The following KIFBP variants were observed in gnomAD, a reference collection of about 807,000 sequenced individuals.
KIFBP encodes the protein kinesin family binding protein, also known as KIF-binding protein.
KIFBP carries 46 observed loss-of-function variants against 58.9 expected under a neutral mutation model. That is an observed-to-expected ratio of 0.78 (90% CI 0.62 to 1.00). The LOEUF is 1.00. Ranked by LOEUF, KIFBP falls within the 50% of genes least tolerant of loss-of-function variation. The probability of loss-of-function intolerance (pLI) is 0.00; values close to 1 mark genes in which losing one functional copy is unlikely to be tolerated. For missense variants in KIFBP, 651 were observed against 752.9 expected (o/e 0.86, Z 1.58); for synonymous variants, 241 against 283.4 (o/e 0.85, Z 1.50).
In KIFBP at chr10:69,003,395, G is replaced by A. The variant is rs182301963; in HGVS notation, c.526-1651G>A. The stretch of plus-strand genomic sequence containing the variant: ...TTTTTACTTTATGTGAATCCTGGGA[G>A]CCCACGTTGTGATGCTTTTAGTGTT... On this transcript the variant is annotated intron_variant, in intron 2 of 6. Coordinates refer to ENST00000361983, the MANE Select transcript of KIFBP (RefSeq NM_015634.4). Among the ~76,000 whole-genome samples, 16 of 152,268 alleles carry A rather than the reference G, an allele frequency of 1.1e-4. No homozygotes were observed. The East Asian group carries it at 2.7e-3, about 26-fold the overall frequency.
intron 1 of KIFBP, chr10:68,999,734 G>C (rs975064040): frequency 2.6e-5 from 4 of 153,310 alleles, no homozygotes; most frequent in Non-Finnish European, 5.8e-5. Context: ...CAACATGGCA[G>C]TTGGCTTCCT....
chr10:69,003,217 C>T (rs887673672), intron 2 of KIFBP, among the ~76,000 whole-genome samples: 3 of 152,098 alleles, frequency 2.0e-5, no homozygotes, highest in African/African-American at 7.2e-5. Context: ...AAAGCCATAA[C>T]AGTGAAGTAT....
At chr10:69,008,391 A>ATATATATATATATATATATATAT (rs1554843385) in intron 4 of KIFBP, among the ~76,000 whole-genome samples, 3 of 71,612 alleles carry the variant, frequency 4.2e-5, no homozygotes, top group African/African-American at 1.6e-4. Context: ...AAAAAAAAAA[A>ATATATATATATATATATATATAT]ATATATATAT....
At chr10:68,997,670 C>T (rs1843421188) in intron 1 of KIFBP, among the ~76,000 whole-genome samples, 1 of 151,690 alleles carries the variant, frequency 6.6e-6, no homozygotes, top group South Asian at 2.1e-4. Flanking sequence ...TAATAACTTA[C>T]TGATTGTAAT....
intron 6 of KIFBP, among the ~76,000 whole-genome samples, chr10:69,013,828 C>T (rs554065743): frequency 3.9e-5 from 6 of 152,272 alleles, no homozygotes; most frequent in African/African-American, 1.4e-4. Context: ...CCACTCACTG[C>T]ATCCTCCACC....
At chr10:68,990,170 C>G (rs938081304) in intron 1 of KIFBP, among the ~76,000 whole-genome samples, 5 of 152,162 alleles carry the variant, frequency 3.3e-5, no homozygotes, top group African/African-American at 9.7e-5. Flanking sequence ...CCAAACTGAT[C>G]TCTCCCTCCT....
intron 3 of KIFBP, 152 bp from the exon 4 acceptor site, chr10:69,005,580 G>A (rs1843525658): frequency 4.8e-6 from 3 of 620,162 alleles, no homozygotes; most frequent in Non-Finnish European, 8.5e-6. Context: ...GGAGGCTGAG[G>A]CAGGAGAATT....
chr10:69,005,685 AAAC>A (rs745608619), intron 3 of KIFBP, 44 bp from the exon 4 acceptor site: 8 of 1,463,678 alleles, frequency 5.5e-6, no homozygotes, highest in Admixed American at 5.3e-5. Flanking sequence ...GAAAAAAAAA[AAAC>A]AAGTAAACCA....
At chr10:69,014,490 G>A in intron 6 of KIFBP, among the ~76,000 whole-genome samples, 1 of 152,132 alleles carries the variant, frequency 6.6e-6, no homozygotes, top group Non-Finnish European at 1.5e-5. Context: ...TGTGATATAA[G>A]CTAAAGTTAG....
In KIFBP at chr10:69,015,676, G is replaced by T. The variant is rs776459431; in HGVS notation, c.1126G>T (p.Ala376Ser). Residue 376 changes from alanine to serine, a missense_variant, in exon 7 of 7, where the codon GCA becomes TCA. By Grantham distance (99) the Ala-to-Ser change is moderately conservative. Coordinates refer to ENST00000361983, the MANE Select transcript of KIFBP (RefSeq NM_015634.4). Reference protein sequence around the residue: ...GTGELCDAISAVEEKVSYLRP... With the variant: ...GTGELCDAISSVEEKVSYLRP... The stretch of plus-strand genomic sequence containing the variant: ...CGGTGAACTGTGTGATGCCATCTCT[G>T]CAGTAGAAGAGAAAGTGAGCTACTT... 9 of 1,614,208 alleles carry T rather than the reference G, an allele frequency of 5.6e-6. No homozygotes were observed. In the South Asian group the frequency reaches 9.9e-5, roughly 18 times the overall value.
In KIFBP at chr10:69,005,142, A is replaced by G. The variant is rs1013730811; in HGVS notation, c.605+17A>G. Reference sequence around the variant, plus strand: ...ATCAAAAAGGTGAGTAGGTATAGAAATCAGCCCTTGCAAATATTTCCACAT... The same window carrying G: ...ATCAAAAAGGTGAGTAGGTATAGAAGTCAGCCCTTGCAAATATTTCCACAT... On this transcript the variant is annotated intron_variant, in intron 3 of 6. Coordinates refer to ENST00000361983, the MANE Select transcript of KIFBP (RefSeq NM_015634.4). 6.5e-7 allele frequency: 1 copy of G among 1,549,246 alleles called. No individual in the cohort carries two copies. The highest frequency in any genetic ancestry group is 1.4e-5 in the African/African-American group (1 of 73,734).
intron 4 of KIFBP, among the ~76,000 whole-genome samples, chr10:69,007,193 C>T (rs1406370512): frequency 6.6e-6 from 1 of 152,186 alleles, no homozygotes; most frequent in African/African-American, 2.4e-5. Context: ...AGTTGTTAAG[C>T]ATTACTTATG....
rs368916440 is a variant in KIFBP, at chr10:69,005,795, G to A, written c.669G>A (p.Met223Ile). The A allele has an allele frequency of 3.1e-5, 50 of 1,613,984 alleles. No individual in the cohort carries two copies. In the African/African-American group the frequency reaches 5.1e-4, roughly 16 times the overall value. ...CTCAAGTCTACCAGCATCTGGAAAT[G>A]TTTGAGAAGGCTGCTCACTATTGCC... ...YLAQVYQHLE[M>I]FEKAAHYCHS... The change falls in exon 4 of 7, where the codon ATG becomes ATA. Residue 223 changes from methionine (M) to isoleucine (I), a missense_variant. By Grantham distance (10) the Met-to-Ile change is conservative. Transcript: ENST00000361983.
intron 6 of KIFBP, among the ~76,000 whole-genome samples, chr10:69,014,550 A>G (rs138708527): frequency 6.6e-6 from 1 of 152,346 alleles, no homozygotes; most frequent in Non-Finnish European, 1.5e-5. Flanking sequence ...TGTTGTCTTC[A>G]TCTTCTGAGC....
chr10:69,009,466 G>A (rs1169281686), intron 5 of KIFBP, among the ~76,000 whole-genome samples: 2 of 152,160 alleles, frequency 1.3e-5, no homozygotes, highest in African/African-American at 2.4e-5. Context: ...TACAGTTCAA[G>A]ATTGCATAAT....
intron 4 of KIFBP, among the ~76,000 whole-genome samples, chr10:69,007,092 C>T (rs1363212685): frequency 1.3e-5 from 2 of 152,134 alleles, no homozygotes; most frequent in Non-Finnish European, 2.9e-5. Context: ...TTTAAAATTA[C>T]ATATTCACTG....
In KIFBP at chr10:68,988,842, GT is replaced by G; in HGVS notation, c.12del (p.Pro5ArgfsTer88). The G allele has an allele frequency of 6.2e-7, 1 of 1,614,284 alleles. No individual in the cohort carries two copies. Among genetic ancestry groups the G allele is most frequent in the Non-Finnish European group, 8.5e-7 (1 of 1,180,054 alleles). On this transcript the variant is annotated frameshift_variant, in exon 1 of 7. Transcript: ENST00000361983. LOFTEE classifies it high-confidence loss of function. ...GGCAGTAGAGGCCGCTATGGCGAAC[GT>G]TCCGTGGGCAGAGGTCTGCGAGAAA... is the stretch of plus-strand genomic sequence containing the variant. MAN[V>X]PWAEVCEKFQ...
At chr10:69,010,135 T>G (rs923865215) in intron 5 of KIFBP, among the ~76,000 whole-genome samples, 1 of 152,232 alleles carries the variant, frequency 6.6e-6, no homozygotes, top group Non-Finnish European at 1.5e-5. Flanking sequence ...GTTTTTACTC[T>G]TCATAATAGC....
chr10:69,003,273 G>T (rs1290371598), intron 2 of KIFBP, among the ~76,000 whole-genome samples: 1 of 152,132 alleles, frequency 6.6e-6, no homozygotes, highest in Non-Finnish European at 1.5e-5. Context: ...CTAGACAGGG[G>T]TAAGCATGGT....
Sources: gnomAD v4.1 joint callset for allele counts (sites outside exome capture counted in the v4.1 genomes callset) on GRCh38, gnomAD v4.1.1 for gene constraint, MANE v1.5 for transcripts, NCBI Gene and HGNC (gene_info 2026-07-23, HGNC 2026-07-21) for gene names.